Variants in ZNF438 observed in about 807,000 individuals in gnomAD.
ZNF438 encodes the protein zinc finger protein 438.
In ZNF438, 25 loss-of-function variants were observed where a neutral mutation model predicts 38.0. The ratio of observed to expected loss-of-function variants is 0.66; its 90% CI spans 0.48 to 0.92. ZNF438 has a LOEUF of 0.92. Among genes scored for constraint, ZNF438 ranks in the 40% least tolerant of loss-of-function variants. The pLI is 0.00. For synonymous variants in ZNF438, 372 were observed against 364.1 expected, an observed-to-expected ratio of 1.02 and a Z score of -0.25; for missense variants, 1,007 against 999.6, an observed-to-expected ratio of 1.01 and a Z score of -0.10.
chr10:30,899,597 T>C (rs2041753924), intron 3 of ZNF438, among the ~76,000 whole-genome samples: 1 of 152,154 alleles, frequency 6.6e-6, no homozygotes, highest in Non-Finnish European at 1.5e-5. Flanking sequence ...TTCATTATAT[T>C]TCAATAATCT....
intron 2 of ZNF438, among the ~76,000 whole-genome samples, chr10:30,916,045 C>T (rs2043593181): frequency 6.6e-6 from 1 of 151,884 alleles, no homozygotes; most frequent in Non-Finnish European, 1.5e-5. Flanking sequence ...GCAATAATGG[C>T]GGAACTTCTG....
At chr10:30,924,872 T>A (rs529992100) in intron 2 of ZNF438, among the ~76,000 whole-genome samples, 2 of 152,194 alleles carry the variant, frequency 1.3e-5, no homozygotes, top group East Asian at 1.9e-4. Flanking sequence ...AAATAAAAGC[T>A]GTAGTTTAGT....
chr10:31,027,558 C>T (rs2057021958), intron 1 of ZNF438, among the ~76,000 whole-genome samples: 1 of 152,046 alleles, frequency 6.6e-6, no homozygotes, highest in East Asian at 1.9e-4. Flanking sequence ...CTCACTGTGC[C>T]TGAACTTAAA....
intron 1 of ZNF438, among the ~76,000 whole-genome samples, chr10:30,945,053 T>A (rs2047226809): frequency 6.6e-6 from 1 of 152,028 alleles, no homozygotes; most frequent in African/African-American, 2.4e-5. Flanking sequence ...CAGATTTTTT[T>A]TTTTTTTACT....
At chr10:30,857,844 G>T in intron 4 of ZNF438, 1 of 1,065,350 alleles carries the variant, frequency 9.4e-7, no homozygotes, top group Non-Finnish European at 1.2e-6. Context: ...AGCACTAGGT[G>T]CCAATGTCTT....
intron 2 of ZNF438, among the ~76,000 whole-genome samples, chr10:30,912,760 G>A (rs1236821498): frequency 1.3e-5 from 2 of 152,164 alleles, no homozygotes; most frequent in East Asian, 3.9e-4. Context: ...TGTAATAACT[G>A]TAAATGCTCA....
At chr10:30,876,585 C>T (rs902478644) in intron 4 of ZNF438, among the ~76,000 whole-genome samples, 3 of 152,150 alleles carry the variant, frequency 2.0e-5, no homozygotes, top group Non-Finnish European at 4.4e-5. Flanking sequence ...ATTCTATATC[C>T]TCTAAGTGTA....
intron 1 of ZNF438, among the ~76,000 whole-genome samples, chr10:31,025,072 C>T (rs1239403210): frequency 6.6e-6 from 1 of 152,194 alleles, no homozygotes; most frequent in Non-Finnish European, 1.5e-5. Context: ...ATTAGCTCAG[C>T]TATCCAACAA....
At chr10:31,026,249 T>C (rs1182033989) in intron 1 of ZNF438, among the ~76,000 whole-genome samples, 2 of 152,160 alleles carry the variant, frequency 1.3e-5, no homozygotes, top group Non-Finnish European at 2.9e-5. Flanking sequence ...GGGATCTAAT[T>C]AAACTAAAGA....
intron 1 of ZNF438, among the ~76,000 whole-genome samples, chr10:30,964,107 C>G (rs951257631): frequency 3.3e-5 from 5 of 152,096 alleles, no homozygotes; most frequent in Non-Finnish European, 7.4e-5. Flanking sequence ...AAATAAGGAA[C>G]AAATAAGTCA....
chr10:31,005,273 G>A (rs544341592), intron 1 of ZNF438, among the ~76,000 whole-genome samples: 2 of 152,050 alleles, frequency 1.3e-5, no homozygotes, highest in Non-Finnish European at 2.9e-5. Context: ...GTGTACATAT[G>A]TGTGTGTGTA....
intron 3 of ZNF438, among the ~76,000 whole-genome samples, chr10:30,891,554 T>C (rs2040690050): frequency 6.6e-6 from 1 of 152,180 alleles, no homozygotes; most frequent in Admixed American, 6.5e-5. Context: ...TTATTTTATG[T>C]AAAAGTAAAA....
chr10:30,849,719 G>A, exon 5 of ZNF438: 2 of 1,614,204 alleles, frequency 1.2e-6, no homozygotes, highest in Non-Finnish European at 1.7e-6. Flanking sequence ...GTCCTGCTTG[G>A]CAGGCTCCTC....
chr10:30,994,153 T>A (rs549942681), intron 1 of ZNF438, among the ~76,000 whole-genome samples: 87 of 152,354 alleles, frequency 5.7e-4, no homozygotes, highest in African/African-American at 2.1e-3. Context: ...TACATGAGAC[T>A]TGGAACTTTG....
chr10:30,900,350 C>T (rs181298939), intron 3 of ZNF438, among the ~76,000 whole-genome samples: 16 of 152,218 alleles, frequency 1.1e-4, no homozygotes, highest in Admixed American at 7.8e-4. Context: ...GTTTATACCA[C>T]TTACTAGCTA....
chr10:30,849,790 T>G lies in ZNF438; in HGVS notation c.615A>C (p.Pro205=), dbSNP rs770661917. The G allele has an allele frequency of 3.1e-6, 5 of 1,613,812 alleles. No homozygotes were observed. The Admixed American group carries it at 8.3e-5, about 27-fold the overall frequency. The change falls in exon 5 of 6, where the codon CCA becomes CCC. Residue 205 remains proline, a synonymous_variant. Transcript: ENST00000413025. ...GACTGCCATGGGTGTTGGTCACTGGTGGTCTCAAGTCCCCATGGTCACTTC... is the reference window on the plus strand; with the variant it reads ...GACTGCCATGGGTGTTGGTCACTGGGGGTCTCAAGTCCCCATGGTCACTTC...
In ZNF438 at chr10:30,998,767, T is replaced by C. The variant is rs1016881591; in HGVS notation, c.-192+33066A>G. Among the ~76,000 whole-genome samples, 4 of 152,122 alleles carry C rather than the reference T, an allele frequency of 2.6e-5. No individual in the cohort carries two copies. The South Asian group carries it at 6.2e-4, about 24-fold the overall frequency. On this transcript the variant is annotated intron_variant, in intron 1 of 5. Transcript: ENST00000413025. Reference sequence around the variant, plus strand: ...TTTTACTTTCTGTTTATAACAATTTTCATGGCAGTTTCATTTTTCATACTT... The same window carrying C: ...TTTTACTTTCTGTTTATAACAATTTCCATGGCAGTTTCATTTTTCATACTT...
intron 4 of ZNF438, among the ~76,000 whole-genome samples, chr10:30,857,528 T>G (rs1338669417): frequency 6.6e-6 from 1 of 152,258 alleles, no homozygotes; most frequent in African/African-American, 2.4e-5. Flanking sequence ...GTGTTGGGAT[T>G]ACAGGTATGA....
intron 1 of ZNF438, among the ~76,000 whole-genome samples, chr10:31,008,283 CTTCA>C: frequency 6.6e-6 from 1 of 152,278 alleles, no homozygotes; most frequent in East Asian, 1.9e-4. Context: ...TTTTTAACAG[CTTCA>C]TTGAGGTATA....
Sources: gnomAD v4.1 joint callset for allele counts (sites outside exome capture counted in the v4.1 genomes callset) on GRCh38, gnomAD v4.1.1 for gene constraint, MANE v1.5 for transcripts, NCBI Gene and HGNC (gene_info 2026-07-23, HGNC 2026-07-21) for gene names.